The following GABRB3 variants were observed in gnomAD, a reference collection of about 807,000 sequenced individuals.
GABRB3 encodes gamma-aminobutyric acid type A receptor subunit beta3.
GABRB3 carries 14 observed loss-of-function variants against 52.1 expected under a neutral mutation model. The ratio of observed to expected loss-of-function variants is 0.27; its 90% CI spans 0.18 to 0.42. The LOEUF is 0.42. Among genes scored for constraint, GABRB3 ranks in the 10% least tolerant of loss-of-function variants. GABRB3 has a pLI of 1.00. For missense variants in GABRB3, 307 were observed against 609.1 expected, an observed-to-expected ratio of 0.50 and a Z score of 5.22; for synonymous variants, 260 against 232.3, an observed-to-expected ratio of 1.12 and a Z score of -1.08.
chr15:26,718,766 T>C (rs558818260), intron 3 of GABRB3, among the ~76,000 whole-genome samples: 2 of 152,314 alleles, frequency 1.3e-5, no homozygotes, highest in South Asian at 4.1e-4. Flanking sequence ...AGAATGATTT[T>C]TCAAAAATGC....
chr15:26,766,792 T>A (rs545068917), intron 3 of GABRB3, among the ~76,000 whole-genome samples: 1 of 151,658 alleles, frequency 6.6e-6, no homozygotes, highest in East Asian at 1.9e-4. Flanking sequence ...TGCCCCATCA[T>A]GTCAAACTAA....
chr15:26,584,863 C>T (rs149594627), intron 4 of GABRB3, among the ~76,000 whole-genome samples: 31 of 152,286 alleles, frequency 2.0e-4, no homozygotes, highest in African/African-American at 7.2e-4. Flanking sequence ...TCAAAGACAG[C>T]AAGCCATTAG....
chr15:26,723,922 T>G (rs1889706652), intron 3 of GABRB3, among the ~76,000 whole-genome samples: 1 of 151,800 alleles, frequency 6.6e-6, no homozygotes, highest in African/African-American at 2.4e-5. Flanking sequence ...AAAAAAAAAA[T>G]GTCATAAACA....
chr15:26,556,875 A>C (rs78393421), intron 8 of GABRB3, among the ~76,000 whole-genome samples: 2,338 of 152,264 alleles, frequency 0.015, 41 homozygotes, highest in African/African-American at 0.051. Flanking sequence ...GTCTCAAGAA[A>C]GACAATGACA....
intron 3 of GABRB3, among the ~76,000 whole-genome samples, chr15:26,637,087 T>A (rs577941065): frequency 4.6e-5 from 7 of 152,210 alleles, no homozygotes; most frequent in Admixed American, 1.3e-4. Context: ...AAGTAAAGCC[T>A]AAGTCAACAT....
intron 3 of GABRB3, 183 bp downstream of exon 3, chr15:26,772,219 C>G: frequency 2.0e-6 from 1 of 507,662 alleles, no homozygotes; most frequent in Non-Finnish European, 3.4e-6. Flanking sequence ...GGCCCCCGAG[C>G]GCCCGGGGCG....
chr15:26,752,960 C>T (rs959946227), intron 3 of GABRB3, among the ~76,000 whole-genome samples: 1 of 152,168 alleles, frequency 6.6e-6, no homozygotes, highest in Non-Finnish European at 1.5e-5. Flanking sequence ...GCATCACTAC[C>T]AGTACACGTG....
At chr15:26,551,330 G>C (rs866437095) in intron 8 of GABRB3, among the ~76,000 whole-genome samples, 19 of 152,202 alleles carry the variant, frequency 1.2e-4, no homozygotes, top group South Asian at 4.1e-4. Context: ...AGGGGCCCCA[G>C]GGAGAGCGCC....
At chr15:26,579,270 C>A (rs948496674) in intron 6 of GABRB3, among the ~76,000 whole-genome samples, 1 of 152,174 alleles carries the variant, frequency 6.6e-6, no homozygotes, top group African/African-American at 2.4e-5. Flanking sequence ...GATGCAGGCA[C>A]CGTGAGCTGT....
intron 3 of GABRB3, among the ~76,000 whole-genome samples, chr15:26,697,634 T>C (rs1162077836): frequency 6.6e-6 from 1 of 152,086 alleles, no homozygotes; most frequent in Non-Finnish European, 1.5e-5. Flanking sequence ...TCAATTCTCA[T>C]CCCACGGCTT....
At chr15:26,656,094 C>T (rs1887364814) in intron 3 of GABRB3, among the ~76,000 whole-genome samples, 1 of 152,132 alleles carries the variant, frequency 6.6e-6, no homozygotes. Flanking sequence ...GATACAGATG[C>T]ATATTTTCAC....
chr15:26,562,901 C>G (rs899124856), intron 7 of GABRB3, among the ~76,000 whole-genome samples: 1 of 152,218 alleles, frequency 6.6e-6, no homozygotes, highest in Non-Finnish European at 1.5e-5. Context: ...TCCAAGATGT[C>G]AGAATATTTT....
At chr15:26,646,899 A>AGTG (rs1887028616) in intron 3 of GABRB3, among the ~76,000 whole-genome samples, 1 of 152,142 alleles carries the variant, frequency 6.6e-6, no homozygotes, top group Non-Finnish European at 1.5e-5. Flanking sequence ...GCTGGAGTGC[A>AGTG]GTGGTGCGAT....
chr15:26,764,389 A>G (rs1890939205), intron 3 of GABRB3, among the ~76,000 whole-genome samples: 1 of 151,882 alleles, frequency 6.6e-6, no homozygotes, highest in African/African-American at 2.4e-5. Flanking sequence ...TGATGTTCTC[A>G]GATCTTAATC....
intron 3 of GABRB3, among the ~76,000 whole-genome samples, chr15:26,731,235 T>C (rs1889903365): frequency 6.6e-6 from 1 of 152,098 alleles, no homozygotes; most frequent in African/African-American, 2.4e-5. Flanking sequence ...CAAACAACAG[T>C]ATAACAAAAA....
intron 4 of GABRB3, among the ~76,000 whole-genome samples, chr15:26,606,800 A>AGATC (rs1891831585): frequency 9.0e-5 from 10 of 111,548 alleles, no homozygotes; most frequent in South Asian, 5.6e-4. Flanking sequence ...ATAGATAGAT[A>AGATC]TATCTATAGA....
chr15:26,576,574 T>C (rs1890601508), intron 6 of GABRB3, among the ~76,000 whole-genome samples: 1 of 152,206 alleles, frequency 6.6e-6, no homozygotes, highest in Non-Finnish European at 1.5e-5. Context: ...TGAGGATTTA[T>C]TTAAATCTGG....
chr15:26,696,372 T>C (rs1286468535), intron 3 of GABRB3, among the ~76,000 whole-genome samples: 1 of 149,672 alleles, frequency 6.7e-6, no homozygotes, highest in Non-Finnish European at 1.5e-5. Context: ...GCTATTACTA[T>C]TATAATTACT....
intron 3 of GABRB3, among the ~76,000 whole-genome samples, chr15:26,761,588 C>A (rs1175794841): frequency 1.3e-5 from 2 of 151,926 alleles, no homozygotes; most frequent in African/African-American, 4.8e-5. Context: ...TGTCACCATA[C>A]CTGTGTATAT....
Sources: allele counts gnomAD v4.1 joint callset (sites outside exome capture counted in the v4.1 genomes callset), GRCh38; gene constraint gnomAD v4.1.1; transcripts MANE v1.5; gene names NCBI Gene and HGNC (gene_info 2026-07-23, HGNC 2026-07-21).